SESN1: variants seen among roughly 807,000 people sequenced by gnomAD.
SESN1 encodes the protein sestrin-1.
A neutral mutation model predicts 59.3 loss-of-function variants in SESN1; 30 were observed. The ratio of observed to expected loss-of-function variants is 0.51; its 90% CI spans 0.38 to 0.69. The LOEUF is 0.69. Among genes scored for constraint, SESN1 ranks in the 30% least tolerant of loss-of-function variants. SESN1 has a pLI of 0.00. For missense variants in SESN1, 566 were observed against 673.0 expected (o/e 0.84, Z 1.76); for synonymous variants, 197 against 219.9 (o/e 0.90, Z 0.92).
chr6:108,995,737 T>C (rs1779490936), intron 5 of SESN1, among the ~76,000 whole-genome samples: 1 of 152,192 alleles, frequency 6.6e-6, no homozygotes, highest in Admixed American at 6.5e-5. Flanking sequence ...TGAGCTGTGA[T>C]TGTGCCACTG....
chr6:109,056,070 A>G (rs960835537), intron 1 of SESN1, among the ~76,000 whole-genome samples: 7 of 152,210 alleles, frequency 4.6e-5, no homozygotes, highest in Non-Finnish European at 8.8e-5. Flanking sequence ...TGCCAGTGAG[A>G]ACTTTATTTC....
intron 1 of SESN1, among the ~76,000 whole-genome samples, chr6:109,021,631 G>A (rs947463814): frequency 3.3e-5 from 5 of 151,848 alleles, no homozygotes; most frequent in South Asian, 2.1e-4. Context: ...TAGTGGAGAC[G>A]GGGTTTCACT....
chr6:109,048,845 G>A (rs1780494997), intron 1 of SESN1, among the ~76,000 whole-genome samples: 1 of 152,060 alleles, frequency 6.6e-6, no homozygotes, highest in South Asian at 2.1e-4. Context: ...CTGGGATATG[G>A]CCATATATCA....
At chr6:109,010,692 T>G (rs1458592373) in intron 1 of SESN1, among the ~76,000 whole-genome samples, 1 of 152,228 alleles carries the variant, frequency 6.6e-6, no homozygotes, top group Non-Finnish European at 1.5e-5. Flanking sequence ...ATACTGCTTT[T>G]AAAAAATAGC....
chr6:109,023,973 TCA>T (rs146947558), intron 1 of SESN1, among the ~76,000 whole-genome samples: 74 of 151,896 alleles, frequency 4.9e-4, no homozygotes, highest in African/African-American at 1.7e-3. Context: ...AATTCAATGA[TCA>T]CACACACACA....
chr6:108,994,974 G>A (rs1261995625), intron 5 of SESN1, among the ~76,000 whole-genome samples: 1 of 152,104 alleles, frequency 6.6e-6, no homozygotes, highest in African/African-American at 2.4e-5. Flanking sequence ...AAAGTGCTGG[G>A]ATTACAGGCG....
chr6:109,034,717 C>T (rs1780227449), intron 1 of SESN1, among the ~76,000 whole-genome samples: 1 of 152,188 alleles, frequency 6.6e-6, no homozygotes, highest in Non-Finnish European at 1.5e-5. Flanking sequence ...AGTGAGAAAG[C>T]ATATGCTTAT....
rs772540397 is a variant in SESN1, at chr6:109,001,454, T to C, written c.380A>G (p.His127Arg). 19 of 1,613,612 alleles carry C rather than the reference T, an allele frequency of 1.2e-5. No individual in the cohort carries two copies. In the South Asian group the frequency reaches 1.2e-4, roughly 10 times the overall value. ...LQVGSEDAQM[H>R]ALFADSFAAL... ...AGCAAAAGAATCTGCAAATAAAGCA[T>C]GCATCTGTGCGTCTTCACTCCCCAC... Residue 127 changes from histidine (H) to arginine (R), a missense_variant, in exon 3 of 10, where the codon CAT (histidine) becomes CGT (arginine). His to Arg is a conservative substitution (Grantham distance 29, BLOSUM62 0). Transcript: ENST00000436639.
intron 1 of SESN1, chr6:109,009,255 C>G: frequency 1.9e-6 from 2 of 1,080,148 alleles, no homozygotes; most frequent in Non-Finnish European, 2.4e-6. Context: ...TGACCGGGAG[C>G]GACTGTGAGG....
intron 1 of SESN1, among the ~76,000 whole-genome samples, chr6:109,032,338 G>T (rs1409107353): frequency 6.6e-6 from 1 of 152,144 alleles, no homozygotes; most frequent in Non-Finnish European, 1.5e-5. Flanking sequence ...AAAAGGTAAG[G>T]CTGGGCGCAG....
At chr6:109,056,333 G>A (rs1780633030) in intron 1 of SESN1, among the ~76,000 whole-genome samples, 1 of 152,220 alleles carries the variant, frequency 6.6e-6, no homozygotes, top group Non-Finnish European at 1.5e-5. Flanking sequence ...GTGCCTAGGA[G>A]GTTGAGGCTG....
chr6:109,058,209 C>A (rs1780668871), intron 1 of SESN1, among the ~76,000 whole-genome samples: 1 of 152,126 alleles, frequency 6.6e-6, no homozygotes, highest in Non-Finnish European at 1.5e-5. Context: ...CTCAGCCTCC[C>A]AAGTAGCTGG....
intron 1 of SESN1, among the ~76,000 whole-genome samples, chr6:109,024,231 G>A (rs969984744): frequency 7.9e-5 from 12 of 152,168 alleles, no homozygotes; most frequent in Middle Eastern, 3.4e-3. Context: ...CTTTTACTTG[G>A]TACAAAATTA....
At chr6:109,001,795 G>A (rs1779631094) in intron 2 of SESN1, among the ~76,000 whole-genome samples, 1 of 152,166 alleles carries the variant, frequency 6.6e-6, no homozygotes, top group African/African-American at 2.4e-5. Flanking sequence ...CTTGCAAACA[G>A]ACACTAAAGC....
rs191980928 is a variant in SESN1, at chr6:108,985,278, G to A, written c.*2266C>T. 6.7e-6 allele frequency among the ~76,000 whole-genome samples: 1 copy of A among 149,184 alleles called. No homozygotes were observed. The highest frequency in any genetic ancestry group is 1.5e-5 in the Non-Finnish European group (1 of 66,690). ...CCTAATAAAAAATTTTCCCAAATACGGCCAAAACAACTCAAGATTTTAACT... is the reference window on the plus strand; with the variant it reads ...CCTAATAAAAAATTTTCCCAAATACAGCCAAAACAACTCAAGATTTTAACT... On this transcript the variant is annotated 3_prime_UTR_variant, in exon 10 of 10. Coordinates refer to ENST00000436639, the MANE Select transcript of SESN1 (RefSeq NM_014454.3).
intron 1 of SESN1, among the ~76,000 whole-genome samples, chr6:109,017,129 T>C (rs1188221155): frequency 6.6e-6 from 1 of 152,164 alleles, no homozygotes; most frequent in Non-Finnish European, 1.5e-5. Context: ...TAGACAAACA[T>C]GAACTGTTGT....
chr6:109,090,310 T>A (rs1562478570), intron 1 of SESN1, among the ~76,000 whole-genome samples: 1 of 152,114 alleles, frequency 6.6e-6, no homozygotes. Context: ...TGGACCCCCA[T>A]ATGCAACAGT....
At chr6:109,002,491 T>C in intron 1 of SESN1, 148 bp from the exon 2 acceptor site, 1 of 612,792 alleles carries the variant, frequency 1.6e-6, no homozygotes, top group South Asian at 1.9e-5. Context: ...ATACCAACTC[T>C]TCTGTTAGCA....
intron 1 of SESN1, among the ~76,000 whole-genome samples, chr6:109,038,526 A>C (rs1418463990): frequency 1.3e-5 from 2 of 152,230 alleles, no homozygotes; most frequent in Non-Finnish European, 2.9e-5. Flanking sequence ...ACAAGTCTTT[A>C]GCACCTGAAT....
Sources: gnomAD v4.1 joint callset for allele counts (sites outside exome capture counted in the v4.1 genomes callset) on GRCh38, gnomAD v4.1.1 for gene constraint, MANE v1.5 for transcripts, NCBI Gene and HGNC (gene_info 2026-07-23, HGNC 2026-07-21) for gene names.